ST8SIA1: variants seen among roughly 807,000 people sequenced by gnomAD.
ST8SIA1 encodes the protein alpha-N-acetylneuraminide alpha-2,8-sialyltransferase.
A neutral mutation model predicts 35.9 loss-of-function variants in ST8SIA1; 16 were observed. The ratio of observed to expected loss-of-function variants is 0.45; its 90% CI spans 0.30 to 0.68. The LOEUF (loss-of-function observed/expected upper bound fraction) is 0.68. Ranked by LOEUF, ST8SIA1 falls within the 30% of genes least tolerant of loss-of-function variation. The pLI is 0.09. For missense variants in ST8SIA1, 383 were observed against 453.6 expected (o/e 0.84, Z 1.41); for synonymous variants, 170 against 169.6 (o/e 1.00, Z -0.02).
chr12:22,206,331 G>A (rs1017566231), intron 4 of ST8SIA1, among the ~76,000 whole-genome samples: 1 of 152,156 alleles, frequency 6.6e-6, no homozygotes, highest in African/African-American at 2.4e-5. Context: ...CAGTAGCAAT[G>A]CCCTATACCT....
At chr12:22,213,448 G>A (rs1053053389) in intron 4 of ST8SIA1, among the ~76,000 whole-genome samples, 8 of 152,134 alleles carry the variant, frequency 5.3e-5, no homozygotes, top group Non-Finnish European at 8.8e-5. Flanking sequence ...CTAGACTGGC[G>A]ATGTTGCTAA....
In ST8SIA1 at chr12:22,334,361, C is replaced by T. The variant is rs374041584; in HGVS notation, c.-129G>A. The T allele has an allele frequency of 1.5e-6, 1 of 680,958 alleles. No homozygotes were observed. The highest frequency in any genetic ancestry group is 2.5e-6 in the Non-Finnish European group (1 of 408,050). The allele number at this position is 680,958 out of a possible 1,614,324, so 42.2% of individuals were successfully genotyped here. On this transcript the variant is annotated 5_prime_UTR_variant, in exon 1 of 5. The change creates a new upstream start codon in the 5' untranslated region. Transcript: ENST00000396037. ...TTTGGTTCTCTTACTTGCAAACGCA[C>T]GCACGCTTCTTCGGCCCCGTCGGCC... is the stretch of plus-strand genomic sequence containing the variant.
intron 1 of ST8SIA1, among the ~76,000 whole-genome samples, chr12:22,305,547 A>C (rs138542908): frequency 6.6e-6 from 1 of 151,816 alleles, no homozygotes; most frequent in Non-Finnish European, 1.5e-5. Flanking sequence ...TGCCCAGATA[A>C]TTTTTGTATT....
chr12:22,233,939 TA>T (rs1865447037), intron 4 of ST8SIA1, among the ~76,000 whole-genome samples: 1 of 152,186 alleles, frequency 6.6e-6, no homozygotes, highest in Non-Finnish European at 1.5e-5. Context: ...TTTTTTTGTT[TA>T]AAACAAATTA....
At chr12:22,294,536 C>T (rs1241069034) in intron 1 of ST8SIA1, among the ~76,000 whole-genome samples, 1 of 152,154 alleles carries the variant, frequency 6.6e-6, no homozygotes, top group Non-Finnish European at 1.5e-5. Context: ...TTTGCCAGAA[C>T]TACAAACACA....
intron 4 of ST8SIA1, among the ~76,000 whole-genome samples, chr12:22,217,583 G>A (rs764391237): frequency 6.6e-6 from 1 of 152,072 alleles, no homozygotes; most frequent in Non-Finnish European, 1.5e-5. Context: ...TTACTTCATT[G>A]CTTTATGCCT....
At chr12:22,210,180 T>C (rs971505580) in intron 4 of ST8SIA1, among the ~76,000 whole-genome samples, 2 of 152,192 alleles carry the variant, frequency 1.3e-5, no homozygotes, top group Non-Finnish European at 2.9e-5. Flanking sequence ...AGTTGCAGAA[T>C]TACGACTGCA....
intron 1 of ST8SIA1, among the ~76,000 whole-genome samples, chr12:22,295,412 G>C (rs1250482577): frequency 6.6e-6 from 1 of 152,106 alleles, no homozygotes; most frequent in Non-Finnish European, 1.5e-5. Context: ...GCCCTCATAA[G>C]AAAAGTAGGA....
chr12:22,258,456 G>A (rs1240312968), intron 2 of ST8SIA1, among the ~76,000 whole-genome samples: 1 of 144,408 alleles, frequency 6.9e-6, no homozygotes, highest in Non-Finnish European at 1.5e-5. Flanking sequence ...AAAGAGAAGA[G>A]GTCTAAGAAT....
At chr12:22,327,118 C>T (rs1405697389) in intron 1 of ST8SIA1, among the ~76,000 whole-genome samples, 1 of 152,194 alleles carries the variant, frequency 6.6e-6, no homozygotes, top group East Asian at 1.9e-4. Context: ...CCAACCACCT[C>T]CATTTGCAAG....
chr12:22,232,642 G>A (rs1865432696), intron 4 of ST8SIA1, among the ~76,000 whole-genome samples: 1 of 152,132 alleles, frequency 6.6e-6, no homozygotes, highest in South Asian at 2.1e-4. Context: ...TATACATATA[G>A]TATTTAAGCC....
At chr12:22,280,173 C>T (rs991089182) in intron 2 of ST8SIA1, among the ~76,000 whole-genome samples, 3 of 152,098 alleles carry the variant, frequency 2.0e-5, no homozygotes, top group African/African-American at 7.2e-5. Flanking sequence ...TACAAATGAG[C>T]ATATTAATAG....
intron 1 of ST8SIA1, among the ~76,000 whole-genome samples, chr12:22,318,296 A>C (rs1219395301): frequency 6.6e-6 from 1 of 152,224 alleles, no homozygotes; most frequent in African/African-American, 2.4e-5. Context: ...TGAAAGAATC[A>C]CTTCCCTTTT....
chr12:22,258,753 C>T (rs1591837130), intron 2 of ST8SIA1, among the ~76,000 whole-genome samples: 1 of 152,320 alleles, frequency 6.6e-6, no homozygotes, highest in South Asian at 2.1e-4. Flanking sequence ...TAAAAGCCAA[C>T]TAAAAATCCC....
At chr12:22,236,533 G>C (rs1865477475) in intron 4 of ST8SIA1, among the ~76,000 whole-genome samples, 1 of 152,090 alleles carries the variant, frequency 6.6e-6, no homozygotes, top group Non-Finnish European at 1.5e-5. Context: ...GGGGTGGATG[G>C]GAGAAAGCTG....
chr12:22,233,110 T>C (rs1468572011), intron 4 of ST8SIA1, among the ~76,000 whole-genome samples: 1 of 152,024 alleles, frequency 6.6e-6, no homozygotes, highest in African/African-American at 2.4e-5. Flanking sequence ...ATTAAGCCAA[T>C]CACTAGGCGT....
At chr12:22,208,759 T>C (rs1865143566) in intron 4 of ST8SIA1, among the ~76,000 whole-genome samples, 2 of 152,140 alleles carry the variant, frequency 1.3e-5, no homozygotes, top group Non-Finnish European at 2.9e-5. Context: ...AAAAACACTA[T>C]GGAACTCACA....
At chr12:22,309,022 T>C (rs554120977) in intron 1 of ST8SIA1, among the ~76,000 whole-genome samples, 1 of 152,190 alleles carries the variant, frequency 6.6e-6, no homozygotes, top group East Asian at 1.9e-4. Flanking sequence ...CTAATATCTC[T>C]AAAAGAGATA....
In ST8SIA1 at chr12:22,201,614, T is replaced by C. The variant is rs1369264221; in HGVS notation, c.1009A>G (p.Ile337Val). 5 of 1,613,904 alleles carry C rather than the reference T, an allele frequency of 3.1e-6. No individual in the cohort carries two copies. The highest frequency in any genetic ancestry group is 3.4e-6 in the Non-Finnish European group (4 of 1,179,964). Residue 337 changes from isoleucine (I) to valine (V), a missense_variant, in exon 5 of 5, where the codon ATC (isoleucine) becomes GTC (valine). Physicochemically the swap from Ile to Val is conservative, Grantham distance 29. Transcript: ENST00000396037. ...TCCAGCTGCATTCTCAGTGCACCGA[T>C]TTTATGAAGATACCAGAGTTGGAGA... is the stretch of plus-strand genomic sequence containing the variant. ...EFLQLWYLHK[I>V]GALRMQLDPC...
Sources: allele counts gnomAD v4.1 joint callset (sites outside exome capture counted in the v4.1 genomes callset), GRCh38; gene constraint gnomAD v4.1.1; transcripts MANE v1.5; gene names NCBI Gene and HGNC (gene_info 2026-07-23, HGNC 2026-07-21).